Variants in MLLT10 observed in about 807,000 individuals in gnomAD.
MLLT10 encodes MLLT10 histone lysine methyltransferase DOT1L cofactor.
A neutral mutation model predicts 129.1 loss-of-function variants in MLLT10; 30 were observed. The ratio of observed to expected loss-of-function variants is 0.23; its 90% CI spans 0.17 to 0.32. The LOEUF (loss-of-function observed/expected upper bound fraction) is 0.32. Among genes scored for constraint, MLLT10 ranks in the 10% least tolerant of loss-of-function variants. The pLI is 1.00. For missense variants in MLLT10, 1,119 were observed against 1,268.3 expected (o/e 0.88, Z 1.79); for synonymous variants, 490 against 446.4 (o/e 1.10, Z -1.23).
intron 3 of MLLT10, among the ~76,000 whole-genome samples, chr10:21,578,469 T>TA: frequency 6.6e-6 from 1 of 152,342 alleles, no homozygotes; most frequent in Middle Eastern, 3.4e-3. Context: ...GTAGGTTTGG[T>TA]AAATTCTAGT....
intron 22 of MLLT10, among the ~76,000 whole-genome samples, chr10:21,741,711 CAGAT>C (rs1194407858): frequency 5.9e-5 from 9 of 152,180 alleles, no homozygotes; most frequent in Admixed American, 5.9e-4. Context: ...TTCTGTCCCT[CAGAT>C]GGGCCCACCT....
upstream of MLLT10, among the ~76,000 whole-genome samples, chr10:21,533,791 T>C (rs1671655188): frequency 6.6e-6 from 1 of 152,122 alleles, no homozygotes; most frequent in African/African-American, 2.4e-5. Context: ...GCTGGCACAC[T>C]CGCCCCACCC....
intron 14 of MLLT10, among the ~76,000 whole-genome samples, chr10:21,722,877 G>A (rs1314830692): frequency 1.3e-5 from 2 of 152,104 alleles, no homozygotes; most frequent in Admixed American, 1.3e-4. Flanking sequence ...AAATGATGAC[G>A]TTCATGATTT....
intron 9 of MLLT10, among the ~76,000 whole-genome samples, chr10:21,652,495 T>G (rs2049143373): frequency 6.6e-6 from 1 of 152,216 alleles, no homozygotes; most frequent in African/African-American, 2.4e-5. Context: ...AGAACAGTAT[T>G]TGGTTCATAG....
chr10:21,706,513 A>C (rs893046102), intron 13 of MLLT10, among the ~76,000 whole-genome samples: 1 of 152,244 alleles, frequency 6.6e-6, no homozygotes, highest in Non-Finnish European at 1.5e-5. Context: ...CTAGGAAAGA[A>C]TAAGTCATTC....
chr10:21,737,941 G>C (rs1381692872), intron 21 of MLLT10, among the ~76,000 whole-genome samples: 2 of 152,132 alleles, frequency 1.3e-5, no homozygotes. Flanking sequence ...TTTTAGAGTG[G>C]TGTTAAAGGC....
At chr10:21,726,765 C>G (rs1402315226) in intron 15 of MLLT10, among the ~76,000 whole-genome samples, 1 of 139,086 alleles carries the variant, frequency 7.2e-6, no homozygotes, top group East Asian at 2.2e-4. Context: ...GCAGCAGTGT[C>G]TCCTGTGACT....
At chr10:21,576,877 C>T (rs528372768) in intron 3 of MLLT10, among the ~76,000 whole-genome samples, 59 of 152,312 alleles carry the variant, frequency 3.9e-4, no homozygotes, top group Middle Eastern at 3.4e-3. Flanking sequence ...GTGAATCGCC[C>T]GCCTCGGCCT....
chr10:21,628,357 A>G lies in MLLT10; in HGVS notation c.699+11150A>G, dbSNP rs143214886. ...GGTCAGGAATTTGGATTTAGTGTCT[A>G]TTATCAGATTGCCTTCATGTTGTCT... On this transcript the variant is annotated intron_variant, in intron 8 of 22. Transcript: ENST00000307729. 5.0e-3 allele frequency among the ~76,000 whole-genome samples: 751 copies of G among 151,420 alleles called. 9 individuals carry two copies. The highest frequency in any genetic ancestry group is 0.017 in the African/African-American group (711 of 41,252).
intron 9 of MLLT10, among the ~76,000 whole-genome samples, chr10:21,653,340 A>G (rs962038010): frequency 6.6e-6 from 1 of 152,166 alleles, no homozygotes; most frequent in Non-Finnish European, 1.5e-5. Context: ...GATTGGTTGT[A>G]GGACTGAGGT....
intron 3 of MLLT10, among the ~76,000 whole-genome samples, chr10:21,548,326 C>T (rs2036434848): frequency 6.6e-6 from 1 of 151,340 alleles, no homozygotes; most frequent in Non-Finnish European, 1.5e-5. Context: ...TTGGGATTTT[C>T]ATTCTGTTTT....
intron 3 of MLLT10, chr10:21,556,728 A>G (rs1246384763): frequency 2.5e-6 from 4 of 1,611,376 alleles, no homozygotes; most frequent in East Asian, 2.2e-5. Flanking sequence ...GCATCTCCCC[A>G]CCCCCGATGC....
chr10:21,566,927 C>A (rs2039648321), intron 3 of MLLT10, among the ~76,000 whole-genome samples: 1 of 152,144 alleles, frequency 6.6e-6, no homozygotes, highest in Non-Finnish European at 1.5e-5. Flanking sequence ...GATTCTCCTG[C>A]CTCAGCCTCC....
intron 13 of MLLT10, among the ~76,000 whole-genome samples, chr10:21,702,051 C>T (rs946444832): frequency 3.9e-5 from 6 of 151,924 alleles, no homozygotes; most frequent in African/African-American, 7.3e-5. Context: ...CTCAGCCTCC[C>T]GAGTAGCTAG....
intron 13 of MLLT10, among the ~76,000 whole-genome samples, chr10:21,703,065 A>T (rs963523368): frequency 4.0e-5 from 6 of 151,032 alleles, no homozygotes; most frequent in African/African-American, 1.5e-4. Context: ...CTTTCTTCTT[A>T]CTTTGTGTAT....
rs1414088611 is a variant in MLLT10, at chr10:21,707,198, T to G, written c.1700-6574T>G. Among the ~76,000 whole-genome samples, 4 of 150,226 alleles carry G rather than the reference T, an allele frequency of 2.7e-5. No individual in the cohort carries two copies. In the East Asian group the frequency reaches 7.8e-4, roughly 29 times the overall value. On this transcript the variant is annotated intron_variant, in intron 13 of 22. Coordinates refer to ENST00000307729, the MANE Select transcript of MLLT10 (RefSeq NM_001195626.3). ...TCATCAAGTTTAGATGATTTTTTTT[T>G]TTTTTTTTTTTTGAGACGGAGTTTC... is the stretch of plus-strand genomic sequence containing the variant.
At chr10:21,594,105 CTCTT>C (rs1442510416) in intron 4 of MLLT10, among the ~76,000 whole-genome samples, 2 of 151,528 alleles carry the variant, frequency 1.3e-5, no homozygotes, top group African/African-American at 4.9e-5. Context: ...CTGGTGTAGT[CTCTT>C]TGAGGGTCTA....
At chr10:21,629,531 C>T (rs941451804) in intron 8 of MLLT10, among the ~76,000 whole-genome samples, 1 of 152,158 alleles carries the variant, frequency 6.6e-6, no homozygotes, top group African/African-American at 2.4e-5. Context: ...ATTAAATTTT[C>T]ACCCACAAGT....
In MLLT10 at chr10:21,713,637, A is replaced by AT. The variant is rs1242065131; in HGVS notation, c.1700-134dup. 4 of 721,566 alleles carry AT rather than the reference A, an allele frequency of 5.5e-6. No homozygotes were observed. The Admixed American group carries it at 1.3e-4, about 24-fold the overall frequency. The allele number at this position is 721,566 out of a possible 1,614,324, so 44.7% of individuals were successfully genotyped here. On this transcript the variant is annotated intron_variant, in intron 13 of 22. Transcript: ENST00000307729. ...GTTTATTTGTTTAGTTACTAGCACA[A>AT]TATTTTTTAAACAGCAACAATAAGA...
Sources: allele counts gnomAD v4.1 joint callset (sites outside exome capture counted in the v4.1 genomes callset), GRCh38; gene constraint gnomAD v4.1.1; transcripts MANE v1.5; gene names NCBI Gene and HGNC (gene_info 2026-07-23, HGNC 2026-07-21).